The following STK39 variants were observed in gnomAD, a reference collection of about 807,000 sequenced individuals.
STK39 encodes serine/threonine kinase 39, also known as STE20/SPS1-related proline-alanine-rich protein kinase.
A neutral mutation model predicts 77.8 loss-of-function variants in STK39; 20 were observed. The ratio of observed to expected loss-of-function variants is 0.26; its 90% CI spans 0.18 to 0.37. The LOEUF is 0.37. Among genes scored for constraint, STK39 ranks in the 10% least tolerant of loss-of-function variants. STK39 has a pLI of 1.00. For synonymous variants in STK39, 246 were observed against 234.1 expected (o/e 1.05, Z -0.47); for missense variants, 479 against 656.5 (o/e 0.73, Z 2.95).
At chr2:168,052,278 A>G (rs1247430685) in intron 14 of STK39, among the ~76,000 whole-genome samples, 1 of 152,182 alleles carries the variant, frequency 6.6e-6, no homozygotes, top group East Asian at 1.9e-4. Flanking sequence ...TCATATTTCC[A>G]GGACTCTCCA....
chr2:168,066,085 G>A (rs928513491), intron 12 of STK39, among the ~76,000 whole-genome samples: 3 of 151,972 alleles, frequency 2.0e-5, no homozygotes, highest in Non-Finnish European at 2.9e-5. Flanking sequence ...GAACAAAAAG[G>A]TTCTCCTATT....
At chr2:168,195,818 A>C (rs1272121554) in intron 1 of STK39, among the ~76,000 whole-genome samples, 5 of 152,134 alleles carry the variant, frequency 3.3e-5, no homozygotes, top group South Asian at 4.1e-4. Context: ...AGAGTTCAAG[A>C]CCAGCCTGGC....
chr2:168,190,288 G>T (rs1165948080), intron 1 of STK39, among the ~76,000 whole-genome samples: 1 of 152,240 alleles, frequency 6.6e-6, no homozygotes, highest in Non-Finnish European at 1.5e-5. Context: ...ACAGAGGAGA[G>T]CAGGCACTGG....
rs1199152090 is a variant in STK39, at chr2:168,096,887, G to A, written c.1090-21656C>T. Among the ~76,000 whole-genome samples the A allele has an allele frequency of 4.0e-5, 6 of 148,766 alleles. No individual in the cohort carries two copies. The East Asian group carries it at 8.1e-4, about 20-fold the overall frequency. On this transcript the variant is annotated intron_variant, in intron 10 of 17. Coordinates refer to ENST00000355999, the MANE Select transcript of STK39 (RefSeq NM_013233.3). ...TGAATTATACTGTTATAAATAGATA[G>A]GCTAAATCAATAAGCATAGAAAAAA...
At chr2:167,991,605 T>C (rs1229514340) in intron 16 of STK39, among the ~76,000 whole-genome samples, 1 of 152,152 alleles carries the variant, frequency 6.6e-6, no homozygotes, top group Non-Finnish European at 1.5e-5. Context: ...GCTGCAATTG[T>C]ACATTTTAGG....
At chr2:167,958,388 T>A (rs1010484878) in intron 17 of STK39, among the ~76,000 whole-genome samples, 1 of 152,192 alleles carries the variant, frequency 6.6e-6, no homozygotes, top group Non-Finnish European at 1.5e-5. Context: ...TAAAACATTT[T>A]AAAAATATTC....
chr2:168,081,498 CT>C (rs1185841130), intron 10 of STK39, among the ~76,000 whole-genome samples: 4 of 152,122 alleles, frequency 2.6e-5, no homozygotes, highest in Admixed American at 1.3e-4. Context: ...AACTAACTTG[CT>C]TTTGATTCTA....
intron 14 of STK39, among the ~76,000 whole-genome samples, chr2:168,037,472 G>C (rs114553726): frequency 1.3e-5 from 2 of 152,258 alleles, no homozygotes; most frequent in East Asian, 1.9e-4. Flanking sequence ...GAAATAATTA[G>C]AAATCTGACA....
intron 14 of STK39, among the ~76,000 whole-genome samples, chr2:168,040,198 C>T (rs2105350865): frequency 6.6e-6 from 1 of 151,648 alleles, no homozygotes; most frequent in Admixed American, 6.6e-5. Flanking sequence ...AAAACTGTTG[C>T]TCAATATATA....
chr2:168,220,180 G>A (rs931520563), intron 1 of STK39, among the ~76,000 whole-genome samples: 13 of 152,030 alleles, frequency 8.6e-5, no homozygotes, highest in Admixed American at 1.3e-4. Flanking sequence ...CTCAGCCTCC[G>A]AAGTGCTGGG....
chr2:168,091,787 T>G (rs748206488), intron 10 of STK39, among the ~76,000 whole-genome samples: 5 of 152,218 alleles, frequency 3.3e-5, no homozygotes, highest in Non-Finnish European at 5.9e-5. Flanking sequence ...GCCAATCTGA[T>G]TTTATCTATA....
chr2:168,165,670 C>T (rs949285712), intron 3 of STK39, among the ~76,000 whole-genome samples: 1 of 150,546 alleles, frequency 6.6e-6, no homozygotes, highest in African/African-American at 2.4e-5. Context: ...GAAAACAGAA[C>T]AGAACTAAGC....
chr2:168,219,508 TAG>T (rs1231491211), intron 1 of STK39, among the ~76,000 whole-genome samples: 2 of 152,122 alleles, frequency 1.3e-5, no homozygotes, highest in Admixed American at 6.6e-5. Flanking sequence ...TACTAAATCA[TAG>T]AGAGTTGTGT....
intron 14 of STK39, among the ~76,000 whole-genome samples, chr2:168,020,638 TTAAA>T (rs1270633329): frequency 1.9e-4 from 29 of 150,462 alleles, no homozygotes; most frequent in African/African-American, 5.1e-4. Flanking sequence ...TTATATATAA[TTAAA>T]TGAGATTATG....
intron 1 of STK39, among the ~76,000 whole-genome samples, chr2:168,215,402 G>A (rs1690001745): frequency 6.6e-6 from 1 of 152,172 alleles, no homozygotes; most frequent in South Asian, 2.1e-4. Flanking sequence ...ACCTGGCCTG[G>A]CTGTTTGGTA....
chr2:168,075,576 T>C (rs2105405508), intron 10 of STK39, among the ~76,000 whole-genome samples: 1 of 152,108 alleles, frequency 6.6e-6, no homozygotes. Context: ...AAAGGCCATG[T>C]GGTAGGCATC....
intron 1 of STK39, among the ~76,000 whole-genome samples, chr2:168,243,745 C>A (rs977056537): frequency 6.6e-6 from 1 of 152,204 alleles, no homozygotes; most frequent in Non-Finnish European, 1.5e-5. Flanking sequence ...CATTCCATTA[C>A]GGATGGCCAA....
At chr2:167,986,616 ATAAG>A (rs1170710439) in intron 16 of STK39, among the ~76,000 whole-genome samples, 2 of 152,186 alleles carry the variant, frequency 1.3e-5, no homozygotes, top group African/African-American at 4.8e-5. Flanking sequence ...GACTTTTAAG[ATAAG>A]TAACAGGTAA....
chr2:167,967,217 A>G (rs921473681), intron 16 of STK39, among the ~76,000 whole-genome samples: 5 of 152,188 alleles, frequency 3.3e-5, no homozygotes, highest in African/African-American at 1.2e-4. Context: ...GGTTTTCCCA[A>G]ATAAAACTCA....
Sources: gnomAD v4.1 joint callset for allele counts (sites outside exome capture counted in the v4.1 genomes callset) on GRCh38, gnomAD v4.1.1 for gene constraint, MANE v1.5 for transcripts, NCBI Gene and HGNC (gene_info 2026-07-23, HGNC 2026-07-21) for gene names.